Variants in SEL1L2 observed in about 807,000 individuals in gnomAD.
SEL1L2 encodes the protein SEL1L2 adaptor subunit of SYVN1 ubiquitin ligase.
Under a neutral mutation model 98.8 loss-of-function variants are expected in SEL1L2, and 89 were observed. The observed-to-expected ratio is 0.90, with a 90% CI of 0.76 to 1.07. SEL1L2 has a LOEUF of 1.07. Ranked by LOEUF, SEL1L2 falls within the 50% of genes least tolerant of loss-of-function variation. The pLI is 0.00. For synonymous variants in SEL1L2, 262 were observed against 278.5 expected, an observed-to-expected ratio of 0.94 and a Z score of 0.59; for missense variants, 788 against 812.0, an observed-to-expected ratio of 0.97 and a Z score of 0.36.
intron 1 of SEL1L2, among the ~76,000 whole-genome samples, chr20:13,970,251 G>A (rs1470276492): frequency 6.6e-6 from 1 of 152,118 alleles, no homozygotes; most frequent in Non-Finnish European, 1.5e-5. Context: ...GAATCTCAAG[G>A]TTGGAAGACA....
At chr20:13,939,657 C>T (rs907494926) in intron 2 of SEL1L2, among the ~76,000 whole-genome samples, 9 of 48,584 alleles carry the variant, frequency 1.9e-4, no homozygotes, top group African/African-American at 4.2e-4. Flanking sequence ...GAATGAAACA[C>T]CCTTATTCTT....
intron 18 of SEL1L2, among the ~76,000 whole-genome samples, chr20:13,856,961 T>A (rs6042394): frequency 6.6e-6 from 1 of 152,106 alleles, no homozygotes; most frequent in African/African-American, 2.4e-5. Context: ...TCTCCTACTC[T>A]CTTTGCTTTC....
At chr20:13,967,107 T>C (rs1278008383) in intron 1 of SEL1L2, among the ~76,000 whole-genome samples, 8 of 151,648 alleles carry the variant, frequency 5.3e-5, no homozygotes, top group African/African-American at 1.7e-4. Context: ...GGTCTTGAAC[T>C]CCTGACCTCG....
intron 12 of SEL1L2, among the ~76,000 whole-genome samples, chr20:13,874,798 CTG>C (rs1407581891): frequency 6.6e-6 from 1 of 152,180 alleles, no homozygotes; most frequent in African/African-American, 2.4e-5. Flanking sequence ...TTTTTAAAAA[CTG>C]AGAACAGTTG....
In SEL1L2 at chr20:13,921,425, GCTT is replaced by G. The variant is rs1175500645; in HGVS notation, c.284-2305_284-2303del. 8.5e-5 allele frequency among the ~76,000 whole-genome samples: 13 copies of G among 152,240 alleles called. No homozygotes were observed. The East Asian group carries it at 2.5e-3, about 29-fold the overall frequency. On this transcript the variant is annotated intron_variant, in intron 3 of 19. Transcript: ENST00000284951. ...GACCTCAAGTGATCTGCCCACCTTG[GCTT>G]CCCAAAATGCTGGGATTACAGGCGT...
rs1988001256 is a variant in SEL1L2, at chr20:13,850,214, G to A, written c.1924C>T (p.Leu642Phe). Residue 642 changes from leucine (L) to phenylalanine (F), a missense_variant, in exon 19 of 20, where the codon CTC becomes TTC. Coordinates refer to ENST00000284951, the MANE Select transcript of SEL1L2 (RefSeq NM_025229.2). ...AVMKLETTHL[L>F]RDILFFNFTT... is the part of the protein sequence containing the mutation. Reference sequence around the variant, plus strand: ...ACATTAAAAAACAGGATATCCCGGAGCAAATGCGTAGTTTCCAGTTTCATG... The same window carrying A: ...ACATTAAAAAACAGGATATCCCGGAACAAATGCGTAGTTTCCAGTTTCATG... The A allele has an allele frequency of 2.0e-5, 32 of 1,613,932 alleles. No homozygotes were observed. The highest frequency in any genetic ancestry group is 2.6e-5 in the Non-Finnish European group (31 of 1,179,874).
At chr20:13,950,293 C>T (rs977414142) in intron 2 of SEL1L2, among the ~76,000 whole-genome samples, 8 of 152,016 alleles carry the variant, frequency 5.3e-5, no homozygotes, top group African/African-American at 1.9e-4. Flanking sequence ...CTGAGCTGTA[C>T]ATTTAAAAAT....
At chr20:13,987,031 C>T (rs904922201) in intron 1 of SEL1L2, among the ~76,000 whole-genome samples, 2 of 152,098 alleles carry the variant, frequency 1.3e-5, no homozygotes, top group African/African-American at 4.8e-5. Context: ...CGGGGTTTCA[C>T]CTTGTTAGCC....
chr20:13,865,632 T>A, intron 15 of SEL1L2, 118 bp from the exon 16 acceptor site: 1 of 804,768 alleles, frequency 1.2e-6, no homozygotes, highest in South Asian at 1.9e-5. Flanking sequence ...ATTTTAGGTC[T>A]AAAACATGGC....
At chr20:13,851,069 C>G (rs544060293) in intron 18 of SEL1L2, among the ~76,000 whole-genome samples, 1 of 151,970 alleles carries the variant, frequency 6.6e-6, no homozygotes, top group African/African-American at 2.4e-5. Context: ...AAACCCTGTC[C>G]CTACTAAAAA....
intron 1 of SEL1L2, among the ~76,000 whole-genome samples, chr20:13,975,732 G>GTAATCAC (rs2051501627): frequency 6.6e-6 from 1 of 152,188 alleles, no homozygotes; most frequent in South Asian, 2.1e-4. Flanking sequence ...CACAATCTCT[G>GTAATCAC]TAATCACGTA....
intron 3 of SEL1L2, among the ~76,000 whole-genome samples, chr20:13,921,316 T>C (rs1000334872): frequency 6.6e-6 from 1 of 152,062 alleles, no homozygotes; most frequent in Non-Finnish European, 1.5e-5. Flanking sequence ...GGACTACAGG[T>C]GCATGCCACC....
At chr20:13,884,218 A>G (rs1400708505) in intron 10 of SEL1L2, among the ~76,000 whole-genome samples, 1 of 152,202 alleles carries the variant, frequency 6.6e-6, no homozygotes, top group South Asian at 2.1e-4. Flanking sequence ...TCTATCACTT[A>G]GCCATTGGGA....
intron 12 of SEL1L2, among the ~76,000 whole-genome samples, chr20:13,874,589 A>G (rs772659945): frequency 7.2e-5 from 11 of 152,172 alleles, no homozygotes; most frequent in Non-Finnish European, 1.3e-4. Context: ...GAGATTTTCC[A>G]TGTTACTCCT....
chr20:13,951,396 CGAG>C (rs1310924458), intron 2 of SEL1L2, among the ~76,000 whole-genome samples: 2 of 147,194 alleles, frequency 1.4e-5, no homozygotes, highest in Admixed American at 6.8e-5. Context: ...AGATGGATCA[CGAG>C]GTCAGGAGAT....
chr20:13,891,519 T>G (rs1484661342), intron 5 of SEL1L2, among the ~76,000 whole-genome samples: 3 of 151,792 alleles, frequency 2.0e-5, no homozygotes, highest in Non-Finnish European at 2.9e-5. Flanking sequence ...ATACAAAAAT[T>G]AGCTGGGCAT....
At chr20:13,956,271 G>T (rs1359858499) in intron 1 of SEL1L2, 140 bp from the exon 2 acceptor site, 2 of 549,042 alleles carry the variant, frequency 3.6e-6, no homozygotes, top group Non-Finnish European at 6.3e-6. Flanking sequence ...TTATAATTTA[G>T]AGTTCCTAAT....
intron 1 of SEL1L2, among the ~76,000 whole-genome samples, chr20:13,975,051 C>G (rs2051471446): frequency 6.6e-6 from 1 of 152,086 alleles, no homozygotes; most frequent in Non-Finnish European, 1.5e-5. Context: ...GGTTCCAAGT[C>G]TGTGGGGACA....
intron 9 of SEL1L2, among the ~76,000 whole-genome samples, chr20:13,885,810 C>T (rs2046924213): frequency 6.6e-6 from 1 of 152,120 alleles, no homozygotes; most frequent in Non-Finnish European, 1.5e-5. Context: ...CCGAGATGGG[C>T]AGATCACGAG....
Sources: allele counts gnomAD v4.1 joint callset (sites outside exome capture counted in the v4.1 genomes callset), GRCh38; gene constraint gnomAD v4.1.1; transcripts MANE v1.5; gene names NCBI Gene and HGNC (gene_info 2026-07-23, HGNC 2026-07-21).